GFRA1: variants seen among roughly 807,000 people sequenced by gnomAD.
The protein encoded by GFRA1 is GDNF family receptor alpha-1.
In GFRA1, 16 loss-of-function variants were observed where a neutral mutation model predicts 51.6. That is an observed-to-expected ratio of 0.31 (90% CI 0.21 to 0.47). GFRA1 has a LOEUF of 0.47. Ranked by LOEUF, GFRA1 falls within the 20% of genes least tolerant of loss-of-function variation. The probability of loss-of-function intolerance (pLI) is 1.00; values close to 1 mark genes in which losing one functional copy is unlikely to be tolerated. For synonymous variants in GFRA1, 270 were observed against 241.3 expected (o/e 1.12, Z -1.10); for missense variants, 530 against 594.3 (o/e 0.89, Z 1.13).
chr10:116,207,259 G>A (rs1006834696), intron 5 of GFRA1, among the ~76,000 whole-genome samples: 7 of 152,232 alleles, frequency 4.6e-5, no homozygotes, highest in Admixed American at 4.6e-4. Context: ...AAACACTGAG[G>A]TTTCCTAATC....
intron 4 of GFRA1, among the ~76,000 whole-genome samples, chr10:116,220,667 G>C (rs1166410919): frequency 6.6e-6 from 1 of 152,152 alleles, no homozygotes; most frequent in African/African-American, 2.4e-5. Flanking sequence ...TGGGCCCAAG[G>C]CTTCTAGGAG....
chr10:116,074,261 C>T (rs1030621847), intron 9 of GFRA1, among the ~76,000 whole-genome samples: 2 of 152,126 alleles, frequency 1.3e-5, no homozygotes, highest in Non-Finnish European at 2.9e-5. Context: ...CACTCTGACT[C>T]TAAAAATCAA....
At chr10:116,092,403 T>C (rs975330189) in intron 8 of GFRA1, among the ~76,000 whole-genome samples, 2 of 151,932 alleles carry the variant, frequency 1.3e-5, no homozygotes, top group Non-Finnish European at 2.9e-5. Context: ...AAAGCTTTTG[T>C]GTGTGTGTGC....
intron 4 of GFRA1, among the ~76,000 whole-genome samples, chr10:116,261,339 C>A (rs189449451): frequency 9.9e-5 from 15 of 152,190 alleles, no homozygotes; most frequent in African/African-American, 2.4e-5. Flanking sequence ...GGGGACGGGA[C>A]TAGAACGACC....
At chr10:116,209,819 G>A (rs1417621747) in intron 5 of GFRA1, among the ~76,000 whole-genome samples, 2 of 151,910 alleles carry the variant, frequency 1.3e-5, no homozygotes, top group Admixed American at 6.6e-5. Context: ...GTAAGGAGTG[G>A]GTACCAGCGG....
intron 4 of GFRA1, among the ~76,000 whole-genome samples, chr10:116,250,579 G>C (rs2134689619): frequency 6.6e-6 from 1 of 152,306 alleles, no homozygotes; most frequent in Admixed American, 6.5e-5. Context: ...CATCTGAAGT[G>C]CAACAGGGCA....
At chr10:116,121,615 G>A (rs1245096017) in intron 6 of GFRA1, among the ~76,000 whole-genome samples, 1 of 152,236 alleles carries the variant, frequency 6.6e-6, no homozygotes, top group African/African-American at 2.4e-5. Context: ...AATTCAGGGA[G>A]CTTTTAATGA....
In GFRA1 at chr10:116,224,677, A is replaced by G. The variant is rs11817591; in HGVS notation, c.419-13032T>C. Among the ~76,000 whole-genome samples the G allele has an allele frequency of 9.1e-3, 1,390 of 152,324 alleles. 16 individuals are homozygous for G. Among genetic ancestry groups the G allele is most frequent in the African/African-American group, 0.032 (1,315 of 41,570 alleles). ...ACAGAAAATAGAGTAATGGTTGCCT[A>G]GAGGTGAAGGGGATGAGGGGGTGAC... On this transcript the variant is annotated intron_variant, in intron 4 of 10. Coordinates refer to ENST00000355422, the MANE Select transcript of GFRA1 (RefSeq NM_005264.8).
chr10:116,086,971 C>T (rs558693148), intron 9 of GFRA1, among the ~76,000 whole-genome samples: 46 of 152,286 alleles, frequency 3.0e-4, no homozygotes, highest in Non-Finnish European at 5.7e-4. Flanking sequence ...GCGTGCACCA[C>T]CACGCCCAGC....
At chr10:116,069,235 G>C (rs776342865) in intron 9 of GFRA1, among the ~76,000 whole-genome samples, 72 of 152,226 alleles carry the variant, frequency 4.7e-4, no homozygotes, top group Non-Finnish European at 7.6e-4. Flanking sequence ...AAATCAATTC[G>C]AACTATTCTT....
chr10:116,182,342 G>A (rs1962316266), intron 5 of GFRA1, among the ~76,000 whole-genome samples: 1 of 152,182 alleles, frequency 6.6e-6, no homozygotes. Context: ...AAGAAAACAT[G>A]TATTGCATAT....
chr10:116,174,533 G>T (rs1008830381), intron 5 of GFRA1, among the ~76,000 whole-genome samples: 1 of 152,154 alleles, frequency 6.6e-6, no homozygotes, highest in Non-Finnish European at 1.5e-5. Context: ...ACTCCATAAT[G>T]ACCTAAAACA....
At position 116,257,421 on chromosome 10, in the gene GFRA1, C is replaced by T. The variant is rs530621034; in HGVS notation, c.418+12082G>A. Among the ~76,000 whole-genome samples, 15 of 152,234 alleles carry T rather than the reference C, an allele frequency of 9.9e-5. No homozygotes were observed. In the South Asian group the frequency reaches 2.7e-3, roughly 27 times the overall value. ...TGGGCTCTGTGCACTTGGCCTTTGC[C>T]TTCCGAGCTTGTGCATGCTTTCTCC... is the stretch of plus-strand genomic sequence containing the variant. On this transcript the variant is annotated intron_variant, in intron 4 of 10. Transcript: ENST00000355422.
rs546037125 is a variant in GFRA1, at chr10:116,064,082, C to A, written c.*316G>T. On this transcript the variant is annotated 3_prime_UTR_variant, in exon 11 of 11. Coordinates refer to ENST00000355422, the MANE Select transcript of GFRA1 (RefSeq NM_005264.8). ...TGATCATCATCATGATCATGATGAT[C>A]ATCATCATGATCATCATCATCATCG... is the stretch of plus-strand genomic sequence containing the variant. 5.7e-6 allele frequency: 1 copy of A among 175,566 alleles called. No individual in the cohort carries two copies. The highest frequency in any genetic ancestry group is 1.0e-5 in the Non-Finnish European group (1 of 97,098). 10.9% of individuals were successfully genotyped at this position (175,566 alleles called of 1,614,324 possible). A position where few individuals can be genotyped will look rare whatever the true frequency, so the allele number is the denominator to read the frequency against.
At chr10:116,170,522 G>A (rs1158098229) in intron 5 of GFRA1, among the ~76,000 whole-genome samples, 1 of 152,132 alleles carries the variant, frequency 6.6e-6, no homozygotes, top group African/African-American at 2.4e-5. Flanking sequence ...TTGTTACTAA[G>A]TAATGGAGCA....
chr10:116,127,677 T>C lies in GFRA1; in HGVS notation c.434-2120A>G, dbSNP rs552830000. On this transcript the variant is annotated intron_variant, in intron 5 of 10. Coordinates refer to ENST00000355422, the MANE Select transcript of GFRA1 (RefSeq NM_005264.8). ...ACTCAGGCTTCTCAGGACTCAGGAG[T>C]GAAATAGTCGCCATGTGCCCTGAAA... is the stretch of plus-strand genomic sequence containing the variant. Among the ~76,000 whole-genome samples the C allele has an allele frequency of 3.3e-5, 5 of 152,188 alleles. No homozygotes were observed. In the South Asian group the frequency reaches 1.0e-3, roughly 32 times the overall value.
chr10:116,270,133 C>T (rs1159487115), intron 3 of GFRA1, among the ~76,000 whole-genome samples: 2 of 152,128 alleles, frequency 1.3e-5, no homozygotes, highest in Non-Finnish European at 2.9e-5. Context: ...AAGATGTTTG[C>T]GTTAGGCTTA....
intron 6 of GFRA1, among the ~76,000 whole-genome samples, chr10:116,120,011 G>C (rs542782480): frequency 6.6e-6 from 1 of 152,306 alleles, no homozygotes; most frequent in Non-Finnish European, 1.5e-5. Context: ...TCTTGGTTCT[G>C]CTAAAAATCC....
At chr10:116,255,165 C>A (rs1204092397) in intron 4 of GFRA1, among the ~76,000 whole-genome samples, 1 of 152,144 alleles carries the variant, frequency 6.6e-6, no homozygotes, top group Non-Finnish European at 1.5e-5. Flanking sequence ...TTATGAGGAA[C>A]AAATGTCGAC....
Sources: allele counts gnomAD v4.1 joint callset (sites outside exome capture counted in the v4.1 genomes callset), GRCh38; gene constraint gnomAD v4.1.1; transcripts MANE v1.5; gene names NCBI Gene and HGNC (gene_info 2026-07-23, HGNC 2026-07-21).